EML4: variants seen among roughly 807,000 people sequenced by gnomAD.
EML4 encodes the protein echinoderm microtubule-associated protein-like 4.
A neutral mutation model predicts 129.0 loss-of-function variants in EML4; 72 were observed. The observed-to-expected ratio is 0.56, with a 90% CI of 0.46 to 0.68. EML4 has a LOEUF of 0.68. Ranked by LOEUF, EML4 falls within the 30% of genes least tolerant of loss-of-function variation. The pLI is 0.00. For synonymous variants in EML4, 532 were observed against 405.0 expected, an observed-to-expected ratio of 1.31 and a Z score of -3.77; for missense variants, 1,363 against 1,190.6, an observed-to-expected ratio of 1.14 and a Z score of -2.13.
chr2:42,191,158 T>G (rs149236563), intron 1 of EML4, among the ~76,000 whole-genome samples: 45 of 152,358 alleles, frequency 3.0e-4, no homozygotes, highest in Non-Finnish European at 5.3e-4. Flanking sequence ...CAAAGTGCCT[T>G]TATGTTCATT....
At chr2:42,207,506 C>T (rs1350459114) in intron 1 of EML4, among the ~76,000 whole-genome samples, 1 of 152,162 alleles carries the variant, frequency 6.6e-6, no homozygotes, top group Non-Finnish European at 1.5e-5. Flanking sequence ...CTTACGTTAG[C>T]AGCTCTACCT....
intron 1 of EML4, among the ~76,000 whole-genome samples, chr2:42,229,793 G>C (rs1674209336): frequency 1.3e-5 from 2 of 151,882 alleles, no homozygotes; most frequent in Admixed American, 6.6e-5. Context: ...CCTCTTGGTT[G>C]GGCTAAATCT....
chr2:42,188,179 T>C (rs1572847831), intron 1 of EML4, among the ~76,000 whole-genome samples: 1 of 149,910 alleles, frequency 6.7e-6, no homozygotes, highest in Non-Finnish European at 1.5e-5. Context: ...TATTCTGTTA[T>C]GTCAGTCTCT....
chr2:42,184,315 T>C (rs1245019088), intron 1 of EML4, among the ~76,000 whole-genome samples: 1 of 152,008 alleles, frequency 6.6e-6, no homozygotes, highest in Non-Finnish European at 1.5e-5. Flanking sequence ...ACATGTGCCA[T>C]GTTGGTGTGC....
intron 18 of EML4, among the ~76,000 whole-genome samples, chr2:42,316,997 A>G (rs1298283925): frequency 1.3e-5 from 2 of 152,214 alleles, no homozygotes; most frequent in South Asian, 4.1e-4. Flanking sequence ...CATTTGTTAC[A>G]TGCTTAGCAC....
At chr2:42,300,913 G>T (rs1326556114) in intron 13 of EML4, among the ~76,000 whole-genome samples, 2 of 152,104 alleles carry the variant, frequency 1.3e-5, no homozygotes, top group Non-Finnish European at 2.9e-5. Context: ...CATACAAGAT[G>T]ATTATGAGAG....
chr2:42,302,966 G>A (rs1668375345), intron 14 of EML4, 138 bp from the exon 15 acceptor site: 3 of 664,284 alleles, frequency 4.5e-6, no homozygotes, highest in Non-Finnish European at 7.9e-6. Context: ...TAAATTAGTA[G>A]TAGTATGAGA....
intron 6 of EML4, among the ~76,000 whole-genome samples, chr2:42,275,497 T>G (rs983274338): frequency 3.9e-5 from 6 of 152,246 alleles, no homozygotes; most frequent in African/African-American, 1.4e-4. Context: ...GAGGTTAGAC[T>G]AGGAGAGCTA....
rs1665708378 is a variant in EML4 at position 42,261,149 on chromosome 2, C to G, written c.367C>G (p.Gln123Glu). ...TACAGAAAAAAAGAAAGAAAAACCA[C>G]AAGGACAGAGAGAAAAAAAAGAGGA... The part of the protein sequence containing the change: ...SGTEKKKEKP[Q>E]GQREKKEESH... The change falls in exon 4 of 23, where the codon CAA becomes GAA. Residue 123 changes from glutamine to glutamate, a missense_variant. By Grantham distance (29) the Gln-to-Glu change is conservative (BLOSUM62 2). Coordinates refer to ENST00000318522, the MANE Select transcript of EML4 (RefSeq NM_019063.5). The G allele has an allele frequency of 5.0e-6, 8 of 1,612,406 alleles. No homozygotes were observed. The East Asian group carries it at 1.8e-4, about 36-fold the overall frequency.
intron 11 of EML4, among the ~76,000 whole-genome samples, chr2:42,292,817 G>T (rs1353056150): frequency 6.6e-6 from 1 of 152,076 alleles, no homozygotes; most frequent in African/African-American, 2.4e-5. Context: ...ATACTCATAC[G>T]CAAAGTGATT....
chr2:42,179,633 C>A (rs538324700), intron 1 of EML4, among the ~76,000 whole-genome samples: 1 of 152,146 alleles, frequency 6.6e-6, no homozygotes, highest in African/African-American at 2.4e-5. Flanking sequence ...GATGGGGTCT[C>A]GCTCTGTCGC....
chr2:42,236,820 G>C (rs1197970462), intron 1 of EML4, among the ~76,000 whole-genome samples: 1 of 152,064 alleles, frequency 6.6e-6, no homozygotes, highest in African/African-American at 2.4e-5. Context: ...TGGGAACACT[G>C]TATGTTGTCA....
chr2:42,262,199 C>T (rs762670124), intron 4 of EML4, among the ~76,000 whole-genome samples: 2 of 152,008 alleles, frequency 1.3e-5, no homozygotes. Context: ...AATATTTTGC[C>T]TCAAATCGCT....
At chr2:42,279,014 A>G (rs1337154900) in intron 6 of EML4, among the ~76,000 whole-genome samples, 1 of 152,210 alleles carries the variant, frequency 6.6e-6, no homozygotes, top group Non-Finnish European at 1.5e-5. Flanking sequence ...CAGATCTTAT[A>G]AACACCTATT....
At chr2:42,173,884 A>G (rs1484814156) in intron 1 of EML4, among the ~76,000 whole-genome samples, 2 of 152,176 alleles carry the variant, frequency 1.3e-5, no homozygotes, top group Non-Finnish European at 2.9e-5. Context: ...GTATGTAGAG[A>G]TGTTTATTAT....
chr2:42,302,149 A>T (rs1204432339), intron 14 of EML4, among the ~76,000 whole-genome samples: 1 of 152,158 alleles, frequency 6.6e-6, no homozygotes, highest in Non-Finnish European at 1.5e-5. Context: ...AAGGAATCCT[A>T]TTATTATAAT....
intron 17 of EML4, among the ~76,000 whole-genome samples, chr2:42,309,249 TAAAAAAA>T (rs200410485): frequency 7.0e-6 from 1 of 143,760 alleles, no homozygotes; most frequent in Non-Finnish European, 1.5e-5. Flanking sequence ...CTACAAAAAA[TAAAAAAA>T]AAAATAGCCA....
At chr2:42,212,100 C>T (rs1672919123) in intron 1 of EML4, among the ~76,000 whole-genome samples, 1 of 152,102 alleles carries the variant, frequency 6.6e-6, no homozygotes. Flanking sequence ...CCTGCCTCAG[C>T]CCTCTAAAGT....
intron 1 of EML4, among the ~76,000 whole-genome samples, chr2:42,199,250 G>A (rs1672077591): frequency 6.6e-6 from 1 of 152,126 alleles, no homozygotes; most frequent in South Asian, 2.1e-4. Context: ...TTATAGAGGT[G>A]GATTATTCAA....
Sources: gnomAD v4.1 joint callset for allele counts (sites outside exome capture counted in the v4.1 genomes callset) on GRCh38, gnomAD v4.1.1 for gene constraint, MANE v1.5 for transcripts, NCBI Gene and HGNC (gene_info 2026-07-23, HGNC 2026-07-21) for gene names.